ADAMTS2: variants seen among roughly 807,000 people sequenced by gnomAD.
ADAMTS2 encodes A disintegrin and metalloproteinase with thrombospondin motifs 2.
In ADAMTS2, 50 loss-of-function variants were observed where a neutral mutation model predicts 123.0. That is an observed-to-expected ratio of 0.41 (90% CI 0.32 to 0.51). The LOEUF (loss-of-function observed/expected upper bound fraction) is 0.51, where lower values mean the gene tolerates loss of function less well. Ranked by LOEUF, ADAMTS2 falls within the 20% of genes least tolerant of loss-of-function variation. The pLI is 0.35. For synonymous variants in ADAMTS2, 678 were observed against 695.4 expected, an observed-to-expected ratio of 0.98 and a Z score of 0.39; for missense variants, 1,494 against 1,705.2, an observed-to-expected ratio of 0.88 and a Z score of 2.18.
rs771663705 is a variant in ADAMTS2, at chr5:179,158,718, C to T, written c.1132+5G>A. The T allele has an allele frequency of 6.2e-6, 10 of 1,614,028 alleles. No individual in the cohort carries two copies. The highest frequency in any genetic ancestry group is 1.7e-5 in the Admixed American group (1 of 60,014). The stretch of plus-strand genomic sequence containing the variant: ...CCTCTGTGGCCCTGCATGGGTGAGG[C>T]TCACCTTGCATGCCGGAAGGCCCAA... On this transcript the variant is annotated splice_donor_5th_base_variant and intron_variant, in intron 6 of 21. Transcript: ENST00000251582. The surrounding 1 kb of genome is among the most constrained non-coding windows in gnomAD (Gnocchi z 5.0).
At chr5:179,239,247 G>A (rs1181382620) in intron 3 of ADAMTS2, among the ~76,000 whole-genome samples, 1 of 152,182 alleles carries the variant, frequency 6.6e-6, no homozygotes, top group African/African-American at 2.4e-5. Flanking sequence ...TGGAGATGGT[G>A]AGAAGTGATC....
At chr5:179,252,594 TTAA>T (rs1284495935) in intron 3 of ADAMTS2, among the ~76,000 whole-genome samples, 1 of 152,216 alleles carries the variant, frequency 6.6e-6, no homozygotes, top group Non-Finnish European at 1.5e-5. Context: ...TTGGGGGCTA[TTAA>T]TTTCTCTCTC....
chr5:179,344,864 G>GCCTCGCCCTGGCTCCC (rs1328338900), intron 1 of ADAMTS2, among the ~76,000 whole-genome samples: 39 of 152,188 alleles, frequency 2.6e-4, no homozygotes, highest in Admixed American at 6.5e-5. Flanking sequence ...CCCCGGCGCC[G>GCCTCGCCCTGGCTCCC]CCTCGCCCTG....
intron 2 of ADAMTS2, among the ~76,000 whole-genome samples, chr5:179,341,121 A>T (rs1356392553): frequency 6.6e-6 from 1 of 152,210 alleles, no homozygotes; most frequent in African/African-American, 2.4e-5. Flanking sequence ...TGAGGACAAG[A>T]GGTGCCCTGT....
intron 3 of ADAMTS2, among the ~76,000 whole-genome samples, chr5:179,236,821 C>G (rs1765540610): frequency 6.6e-6 from 1 of 152,056 alleles, no homozygotes; most frequent in African/African-American, 2.4e-5. Context: ...TCGATGTATG[C>G]TATGGACTGA....
rs112419043 is a variant in ADAMTS2, at chr5:179,218,936, C to G, written c.689-11221G>C. On this transcript the variant is annotated intron_variant, in intron 3 of 21. Coordinates refer to ENST00000251582, the MANE Select transcript of ADAMTS2 (RefSeq NM_014244.5). The stretch of plus-strand genomic sequence containing the variant: ...ACAGAAGGTCCTGGCCTGCCCAGCA[C>G]CTGCACACCCTCACAGAGCCACCTG... 1.7e-3 allele frequency among the ~76,000 whole-genome samples: 265 copies of G among 152,302 alleles called. 2 individuals are homozygous for G. Among genetic ancestry groups the G allele is most frequent in the African/African-American group, 5.5e-3 (228 of 41,570 alleles).
At chr5:179,271,846 CT>C (rs1766543163) in intron 3 of ADAMTS2, among the ~76,000 whole-genome samples, 1 of 152,216 alleles carries the variant, frequency 6.6e-6, no homozygotes, top group African/African-American at 2.4e-5. Flanking sequence ...TCAGACAGAC[CT>C]ACAGTAAATG....
Position 179,312,258 on chromosome 5 carries a change from TAGAC to T in ADAMTS2, c.534+31505_534+31508del, listed in dbSNP as rs1756854401. Among the ~76,000 whole-genome samples, 3 of 152,268 alleles carry T rather than the reference TAGAC, an allele frequency of 2.0e-5. No individual in the cohort carries two copies. The highest frequency in any genetic ancestry group is 3.4e-3 in the Middle Eastern group (1 of 294). ...TGGATTTTCCGGGTGGGCCCAGGGA[TAGAC>T]AGAATGTTTATATTCCCCCCAAATT... On this transcript the variant is annotated intron_variant, in intron 2 of 21. Transcript: ENST00000251582. This position sits in a 1 kb window ranked among gnomAD's most constrained non-coding sequence, Gnocchi z 4.2.
rs2113168298 is a variant in ADAMTS2, at chr5:179,117,252, A to G, written c.3179-2928T>C. Among the ~76,000 whole-genome samples, 1 of 152,024 alleles carries G rather than the reference A, an allele frequency of 6.6e-6. No homozygotes were observed. The highest frequency in any genetic ancestry group is 2.1e-4 in the South Asian group (1 of 4,810). ...GCTGATGGTGGCCTCCCTTCTCCCT[A>G]CCCCATAGGCTTTGACAAAGGAGGG... On this transcript the variant is annotated intron_variant, in intron 21 of 21. Transcript: ENST00000251582. The surrounding 1 kb of genome is among the most constrained non-coding windows in gnomAD (Gnocchi z 4.2).
chr5:179,134,859 CCCAGCTCCCGGGT>C lies in ADAMTS2; in HGVS notation c.2085+1037_2085+1049del, dbSNP rs1358387777. Among the ~76,000 whole-genome samples the C allele has an allele frequency of 9.4e-4, 84 of 89,232 alleles. 1 individual carries two copies. Among genetic ancestry groups the C allele is most frequent in the Non-Finnish European group, 1.3e-3 (52 of 41,208 alleles). The allele number at this position is 89,232 out of a possible 152,430, so 58.5% of individuals were successfully genotyped here. ...CAGCCCCCAGCTCCCGGCTCCAGCT[CCCAGCTCCCGGGT>C]CCAGCTCCCGGCTCCAGACCCCAGC... On this transcript the variant is annotated intron_variant, in intron 13 of 21. Coordinates refer to ENST00000251582, the MANE Select transcript of ADAMTS2 (RefSeq NM_014244.5).
At chr5:179,153,893 C>T (rs1763415172) in intron 8 of ADAMTS2, among the ~76,000 whole-genome samples, 156 bp downstream of exon 8, 1 of 152,206 alleles carries the variant, frequency 6.6e-6, no homozygotes, top group South Asian at 2.1e-4. Flanking sequence ...AGACACCAGG[C>T]TTCTCTCACA....
At chr5:179,212,573 A>G (rs1764883019) in intron 3 of ADAMTS2, among the ~76,000 whole-genome samples, 1 of 136,484 alleles carries the variant, frequency 7.3e-6, no homozygotes. Flanking sequence ...GGGCAGGTGC[A>G]GTGGGCAGGC....
rs1351955208 is a variant in ADAMTS2 at position 179,208,115 on chromosome 5, A to G, written c.689-400T>C. 2.0e-5 allele frequency among the ~76,000 whole-genome samples: 3 copies of G among 151,134 alleles called. No individual in the cohort carries two copies. The East Asian group carries it at 5.8e-4, about 29-fold the overall frequency. The stretch of plus-strand genomic sequence containing the variant: ...GGAGAGGTCGGGAACCTCAGCCCGC[A>G]CTGCCTGACGCTGGAGTGGGCAGAG... On this transcript the variant is annotated intron_variant, in intron 3 of 21. Coordinates refer to ENST00000251582, the MANE Select transcript of ADAMTS2 (RefSeq NM_014244.5).
intron 2 of ADAMTS2, among the ~76,000 whole-genome samples, chr5:179,305,564 A>G (rs1024561299): frequency 5.9e-5 from 9 of 152,332 alleles, no homozygotes; most frequent in Non-Finnish European, 8.8e-5. Flanking sequence ...ATTAAAATTG[A>G]ATACCAAAAC....
chr5:179,148,221 G>A (rs1365048131), intron 10 of ADAMTS2, among the ~76,000 whole-genome samples: 1 of 152,044 alleles, frequency 6.6e-6, no homozygotes, highest in African/African-American at 2.4e-5. Context: ...CTGCCCCTGT[G>A]CACGCCTCCA....
At chr5:179,315,817 C>T (rs1756975217) in intron 2 of ADAMTS2, among the ~76,000 whole-genome samples, 1 of 152,128 alleles carries the variant, frequency 6.6e-6, no homozygotes, top group African/African-American at 2.4e-5. Context: ...ACAGCCACCG[C>T]AGAACTGGGG....
At chr5:179,147,984 T>A (rs1232711439) in intron 10 of ADAMTS2, among the ~76,000 whole-genome samples, 2 of 152,202 alleles carry the variant, frequency 1.3e-5, no homozygotes, top group Non-Finnish European at 2.9e-5. Flanking sequence ...GGGGCTCCTG[T>A]GAGCAAGGGA....
chr5:179,329,332 A>C (rs1483539399), intron 2 of ADAMTS2, among the ~76,000 whole-genome samples: 3 of 151,052 alleles, frequency 2.0e-5, no homozygotes, highest in Non-Finnish European at 4.4e-5. Flanking sequence ...GTCTCAAAAA[A>C]AAAAAAAAAA....
At chr5:179,318,853 C>T (rs1329813901) in intron 2 of ADAMTS2, among the ~76,000 whole-genome samples, 1 of 152,208 alleles carries the variant, frequency 6.6e-6, no homozygotes, top group East Asian at 1.9e-4. Flanking sequence ...AGGTCAGACC[C>T]CAGCCCAAAA....
Sources: gnomAD v4.1 joint callset for allele counts (sites outside exome capture counted in the v4.1 genomes callset) on GRCh38, gnomAD v4.1.1 for gene constraint, Gnocchi (gnomAD v3.1) non-coding constraint, MANE v1.5 for transcripts, NCBI Gene and HGNC (gene_info 2026-07-23, HGNC 2026-07-21) for gene names.